Variants in CNTNAP2 observed in about 807,000 individuals in gnomAD.
CNTNAP2 encodes the protein contactin associated protein 2.
A neutral mutation model predicts 155.2 loss-of-function variants in CNTNAP2; 98 were observed. The ratio of observed to expected loss-of-function variants is 0.63; its 90% CI spans 0.54 to 0.75. The LOEUF is 0.75. Ranked by LOEUF, CNTNAP2 falls within the 30% of genes least tolerant of loss-of-function variation. CNTNAP2 has a pLI of 0.00. For synonymous variants in CNTNAP2, 651 were observed against 631.2 expected, an observed-to-expected ratio of 1.03 and a Z score of -0.47; for missense variants, 1,727 against 1,688.1, an observed-to-expected ratio of 1.02 and a Z score of -0.40.
At chr7:146,486,409 A>C (rs1417335944) in intron 1 of CNTNAP2, among the ~76,000 whole-genome samples, 1 of 152,084 alleles carries the variant, frequency 6.6e-6, no homozygotes, top group African/African-American at 2.4e-5. Context: ...TGCTCTAAGA[A>C]ATGTAGAGAT....
chr7:146,145,142 T>A (rs2116764240), intron 1 of CNTNAP2, among the ~76,000 whole-genome samples: 1 of 152,320 alleles, frequency 6.6e-6, no homozygotes, highest in Non-Finnish European at 1.5e-5. Context: ...TTTTCTGAGA[T>A]GCTTTAGGCC....
intron 1 of CNTNAP2, among the ~76,000 whole-genome samples, chr7:146,458,363 A>T (rs1417289347): frequency 6.6e-6 from 1 of 152,204 alleles, no homozygotes; most frequent in African/African-American, 2.4e-5. Flanking sequence ...TATCTAATTA[A>T]TTTCATTTAA....
At chr7:146,467,584 T>G (rs1391021817) in intron 1 of CNTNAP2, among the ~76,000 whole-genome samples, 1 of 152,198 alleles carries the variant, frequency 6.6e-6, no homozygotes, top group African/African-American at 2.4e-5. Context: ...ATCCTTAGAT[T>G]AAATGCTTTT....
intron 1 of CNTNAP2, among the ~76,000 whole-genome samples, chr7:146,546,855 C>T (rs1474578478): frequency 6.6e-6 from 1 of 151,870 alleles, no homozygotes. Flanking sequence ...GGTAACTGCA[C>T]CCGTGATTCA....
At chr7:148,325,386 T>G (rs1167363433) in intron 21 of CNTNAP2, among the ~76,000 whole-genome samples, 1 of 152,224 alleles carries the variant, frequency 6.6e-6, no homozygotes, top group East Asian at 1.9e-4. Context: ...CCCACCTAGT[T>G]TTTAACTTCA....
intron 5 of CNTNAP2, among the ~76,000 whole-genome samples, chr7:147,118,660 G>T (rs964948671): frequency 7.2e-5 from 11 of 152,092 alleles, no homozygotes; most frequent in African/African-American, 2.4e-4. Flanking sequence ...AGAGCTTATT[G>T]CTCCTAGTGT....
At chr7:148,084,593 AAAG>A (rs1323948741) in intron 15 of CNTNAP2, among the ~76,000 whole-genome samples, 5 of 151,766 alleles carry the variant, frequency 3.3e-5, no homozygotes, top group African/African-American at 1.2e-4. Flanking sequence ...AGACAGGAAG[AAAG>A]AAGGGAATGG....
Position 147,349,549 on chromosome 7 carries a change from AT to A in CNTNAP2, c.1499-46059del, listed in dbSNP as rs960318981. ...AACCTGTCAAGATAGATAGAAAAAA[AT>A]ATATAACATTCCAAATTAAATGAGA... On this transcript the variant is annotated intron_variant, in intron 9 of 23. Transcript: ENST00000361727. Among the ~76,000 whole-genome samples the A allele has an allele frequency of 5.2e-4, 79 of 152,048 alleles. No individual in the cohort carries two copies. The Middle Eastern group carries it at 0.01, about 20-fold the overall frequency.
intron 8 of CNTNAP2, among the ~76,000 whole-genome samples, chr7:147,231,053 C>T (rs1227126163): frequency 1.3e-5 from 2 of 152,138 alleles, no homozygotes; most frequent in East Asian, 1.9e-4. Flanking sequence ...TGGCAGCAGA[C>T]AAAAGAGAAG....
intron 22 of CNTNAP2, among the ~76,000 whole-genome samples, chr7:148,386,731 G>A (rs944510712): frequency 6.6e-6 from 1 of 152,128 alleles, no homozygotes; most frequent in African/African-American, 2.4e-5. Flanking sequence ...GTCCTCTTAA[G>A]TTCAGTACCT....
At chr7:147,915,828 A>C (rs1480422485) in intron 14 of CNTNAP2, among the ~76,000 whole-genome samples, 4 of 152,140 alleles carry the variant, frequency 2.6e-5, no homozygotes, top group Non-Finnish European at 4.4e-5. Flanking sequence ...GTGTTTCAGT[A>C]TTAGAGCATG....
intron 1 of CNTNAP2, among the ~76,000 whole-genome samples, chr7:146,163,402 C>T (rs1244345623): frequency 6.0e-5 from 9 of 149,996 alleles, no homozygotes; most frequent in Non-Finnish European, 1.0e-4. Context: ...GGTGAAACTC[C>T]GTCTCTACTA....
intron 23 of CNTNAP2, among the ~76,000 whole-genome samples, chr7:148,410,058 AAAAAAAAAAAG>A (rs1369804678): frequency 1.3e-5 from 1 of 74,988 alleles, no homozygotes; most frequent in Non-Finnish European, 3.6e-5. Flanking sequence ...CTCAAAAAAA[AAAAAAAAAAAG>A]AAAGAAAGAA....
In CNTNAP2 at chr7:146,732,802, A is replaced by G. The variant is rs575018883; in HGVS notation, c.98-41469A>G. ...GCACACATCTTCCTGTATACTTTAA[A>G]TCATCTCTAGATTACTTGTAATACC... On this transcript the variant is annotated intron_variant, in intron 1 of 23. Coordinates refer to ENST00000361727, the MANE Select transcript of CNTNAP2 (RefSeq NM_014141.6). Among the ~76,000 whole-genome samples, 87 of 152,238 alleles carry G rather than the reference A, an allele frequency of 5.7e-4. 2 individuals carry two copies. Among genetic ancestry groups the G allele is most frequent in the African/African-American group, 4.8e-4 (20 of 41,568 alleles).
At chr7:148,111,800 T>G (rs1013058849) in intron 15 of CNTNAP2, among the ~76,000 whole-genome samples, 1 of 152,166 alleles carries the variant, frequency 6.6e-6, no homozygotes, top group Admixed American at 6.5e-5. Context: ...CTCAATTAAG[T>G]GCGAAAGTAG....
chr7:146,441,503 T>C (rs1293372422), intron 1 of CNTNAP2, among the ~76,000 whole-genome samples: 1 of 151,504 alleles, frequency 6.6e-6, no homozygotes, highest in South Asian at 2.1e-4. Flanking sequence ...TGCTGCTGAT[T>C]ACATGCATGG....
In CNTNAP2 at chr7:148,293,775, C is replaced by T. The variant is rs567927596; in HGVS notation, c.3475+26649C>T. Among the ~76,000 whole-genome samples, 8 of 152,232 alleles carry T rather than the reference C, an allele frequency of 5.3e-5. No individual in the cohort carries two copies. In the South Asian group the frequency reaches 1.7e-3, roughly 32 times the overall value. ...AACCCCCGGGCACAGTGGCTCACAT[C>T]TGTAATCCCAGCACTTTGGGAGGTC... On this transcript the variant is annotated intron_variant, in intron 21 of 23. Coordinates refer to ENST00000361727, the MANE Select transcript of CNTNAP2 (RefSeq NM_014141.6).
At chr7:147,801,939 TG>T (rs1285243568) in intron 13 of CNTNAP2, among the ~76,000 whole-genome samples, 17 of 125,568 alleles carry the variant, frequency 1.4e-4, no homozygotes, top group African/African-American at 1.9e-4. Flanking sequence ...ACGGGGCGGC[TG>T]GCCGGGCGGG....
intron 3 of CNTNAP2, among the ~76,000 whole-genome samples, chr7:146,987,192 A>G (rs1198285070): frequency 6.6e-6 from 1 of 152,174 alleles, no homozygotes; most frequent in African/African-American, 2.4e-5. Context: ...ATATAGAATG[A>G]TTAGCAAATA....
Sources: allele counts gnomAD v4.1 joint callset (sites outside exome capture counted in the v4.1 genomes callset), GRCh38; gene constraint gnomAD v4.1.1; transcripts MANE v1.5; gene names NCBI Gene and HGNC (gene_info 2026-07-23, HGNC 2026-07-21).